The following LHFPL6 variants were observed in gnomAD, a reference collection of about 807,000 sequenced individuals.
The protein encoded by LHFPL6 is LHFPL tetraspan subfamily member 6.
In LHFPL6, 9 loss-of-function variants were observed where a neutral mutation model predicts 20.6. That is an observed-to-expected ratio of 0.44 (90% confidence interval 0.26 to 0.76). The LOEUF is 0.76. Among genes scored for constraint, LHFPL6 ranks in the 30% least tolerant of loss-of-function variants. The pLI is 0.20. For synonymous variants in LHFPL6, 105 were observed against 98.7 expected, an observed-to-expected ratio of 1.06 and a Z score of -0.38; for missense variants, 218 against 253.5, an observed-to-expected ratio of 0.86 and a Z score of 0.95.
intron 2 of LHFPL6, among the ~76,000 whole-genome samples, chr13:39,522,905 G>A (rs1303436343): frequency 6.6e-6 from 1 of 152,222 alleles, no homozygotes; most frequent in Non-Finnish European, 1.5e-5. Flanking sequence ...TGATTAGATG[G>A]ATTCATAGCT....
At chr13:39,490,983 C>A (rs765900373) in intron 2 of LHFPL6, among the ~76,000 whole-genome samples, 1 of 152,154 alleles carries the variant, frequency 6.6e-6, no homozygotes, top group Admixed American at 6.5e-5. Flanking sequence ...ATGAGGGTCA[C>A]TCTGCTATTT....
chr13:39,576,729 G>T (rs1872127795), intron 2 of LHFPL6, among the ~76,000 whole-genome samples: 1 of 152,106 alleles, frequency 6.6e-6, no homozygotes, highest in Non-Finnish European at 1.5e-5. Flanking sequence ...GACTTCCTAG[G>T]TTCAAGTGAT....
At chr13:39,464,700 CTTT>C (rs57418375) in intron 2 of LHFPL6, among the ~76,000 whole-genome samples, 17,948 of 137,826 alleles carry the variant, frequency 0.13, 1,837 homozygotes, top group East Asian at 0.51. Flanking sequence ...AAAGCACAGT[CTTT>C]TTTTTTTTTT....
chr13:39,365,133 T>A (rs1223206489), intron 3 of LHFPL6, among the ~76,000 whole-genome samples: 1 of 152,146 alleles, frequency 6.6e-6, no homozygotes, highest in Non-Finnish European at 1.5e-5. Flanking sequence ...GAAATCCAGC[T>A]CCTCTGACTC....
chr13:39,407,807 A>G (rs1245356304), intron 2 of LHFPL6, among the ~76,000 whole-genome samples: 1 of 152,256 alleles, frequency 6.6e-6, no homozygotes, highest in Non-Finnish European at 1.5e-5. Flanking sequence ...TTTTTCTTCA[A>G]GAACCACGTT....
intron 2 of LHFPL6, among the ~76,000 whole-genome samples, chr13:39,480,816 G>A (rs914058801): frequency 9.2e-5 from 14 of 152,076 alleles, no homozygotes; most frequent in African/African-American, 3.1e-4. Context: ...ACAAATCTTT[G>A]ATCTATAGAA....
At chr13:39,376,359 C>A (rs535977353) in intron 3 of LHFPL6, among the ~76,000 whole-genome samples, 3 of 152,250 alleles carry the variant, frequency 2.0e-5, no homozygotes, top group African/African-American at 7.2e-5. Context: ...AGTATTTTTC[C>A]CCCTTCTCTA....
intron 3 of LHFPL6, among the ~76,000 whole-genome samples, chr13:39,371,123 G>C (rs1465911293): frequency 6.6e-6 from 1 of 152,114 alleles, no homozygotes; most frequent in Non-Finnish European, 1.5e-5. Context: ...AACACTGGGA[G>C]GCTCTGAGTT....
At chr13:39,355,664 T>A (rs1343639980) in intron 3 of LHFPL6, among the ~76,000 whole-genome samples, 3 of 152,062 alleles carry the variant, frequency 2.0e-5, no homozygotes, top group African/African-American at 7.2e-5. Flanking sequence ...ATAACAACCA[T>A]GGGCTCAAAG....
intron 2 of LHFPL6, among the ~76,000 whole-genome samples, chr13:39,433,671 T>C (rs1277354625): frequency 1.3e-5 from 2 of 152,200 alleles, no homozygotes; most frequent in African/African-American, 2.4e-5. Flanking sequence ...GAAATAATAA[T>C]AAAACTGGCA....
At chr13:39,504,943 C>T (rs942344062) in intron 2 of LHFPL6, among the ~76,000 whole-genome samples, 1 of 152,202 alleles carries the variant, frequency 6.6e-6, no homozygotes, top group Admixed American at 6.5e-5. Context: ...TGGCTCATTA[C>T]ATAAATGAAT....
In LHFPL6 at chr13:39,562,367, C is replaced by CATATATACATATACAT. The variant is rs1566141860; in HGVS notation, c.385+38464_385+38465insATGTATATGTATATAT. Among the ~76,000 whole-genome samples the CATATATACATATACAT allele has an allele frequency of 6.6e-5, 5 of 75,512 alleles. No homozygotes were observed. In the East Asian group the frequency reaches 2.6e-3, roughly 40 times the overall value. 49.5% of individuals were successfully genotyped at this position (75,512 alleles called of 152,430 possible). ...ATATATATACATATATATACATATACATATATACATATATACATATACATA... is the reference window on the plus strand; with the variant it reads ...ATATATATACATATATATACATATACATATATACATATACATATATATACATATATACATATACATA... On this transcript the variant is annotated intron_variant, in intron 2 of 3. Transcript: ENST00000379589.
chr13:39,557,333 T>C (rs1334037037), intron 2 of LHFPL6, among the ~76,000 whole-genome samples: 3 of 152,236 alleles, frequency 2.0e-5, no homozygotes, highest in African/African-American at 7.2e-5. Flanking sequence ...CATGTGGTGT[T>C]AAGCCTGTAG....
intron 2 of LHFPL6, among the ~76,000 whole-genome samples, chr13:39,398,489 C>A (rs940688204): frequency 1.3e-5 from 2 of 152,206 alleles, no homozygotes; most frequent in East Asian, 3.9e-4. Flanking sequence ...AAGGGCAGAG[C>A]AATGGTAAGC....
chr13:39,352,868 T>C (rs1417943037), intron 3 of LHFPL6, among the ~76,000 whole-genome samples: 633 of 30,858 alleles, frequency 0.021, 11 homozygotes, highest in South Asian at 0.037. Flanking sequence ...TATATGTGTA[T>C]ATATATATAT....
At chr13:39,580,878 T>A (rs1462581881) in intron 2 of LHFPL6, among the ~76,000 whole-genome samples, 2 of 152,230 alleles carry the variant, frequency 1.3e-5, no homozygotes, top group African/African-American at 2.4e-5. Flanking sequence ...TCTGTCCAGA[T>A]CCTCTGTTCA....
At chr13:39,490,101 A>AT (rs1566123460) in intron 2 of LHFPL6, among the ~76,000 whole-genome samples, 1 of 152,178 alleles carries the variant, frequency 6.6e-6, no homozygotes, top group Non-Finnish European at 1.5e-5. Flanking sequence ...CAAACAAAAA[A>AT]AAAAACAGGA....
chr13:39,465,676 G>T (rs530747886), intron 2 of LHFPL6, among the ~76,000 whole-genome samples: 1 of 152,008 alleles, frequency 6.6e-6, no homozygotes, highest in Non-Finnish European at 1.5e-5. Flanking sequence ...TATTTGAAAC[G>T]TTCATCTGTA....
At chr13:39,531,048 A>G (rs534263463) in intron 2 of LHFPL6, among the ~76,000 whole-genome samples, 1 of 152,270 alleles carries the variant, frequency 6.6e-6, no homozygotes, top group African/African-American at 2.4e-5. Context: ...AGCAATACAC[A>G]CTTAACTGGC....
Sources: gnomAD v4.1 joint callset for allele counts (sites outside exome capture counted in the v4.1 genomes callset) on GRCh38, gnomAD v4.1.1 for gene constraint, MANE v1.5 for transcripts, NCBI Gene and HGNC (gene_info 2026-07-23, HGNC 2026-07-21) for gene names.